SFXN5: variants seen among roughly 807,000 people sequenced by gnomAD.
The protein encoded by SFXN5 is sideroflexin 5.
SFXN5 carries 43 observed loss-of-function variants against 50.2 expected under a neutral mutation model. The ratio of observed to expected loss-of-function variants is 0.86; its 90% CI spans 0.67 to 1.11. The LOEUF (loss-of-function observed/expected upper bound fraction) is 1.11, where lower values mean the gene tolerates loss of function less well. Among genes scored for constraint, SFXN5 ranks in the 50% least tolerant of loss-of-function variants. The pLI, the probability that SFXN5 is intolerant of heterozygous loss-of-function variation, is 0.00. For synonymous variants in SFXN5, 203 were observed against 185.8 expected (o/e 1.09, Z -0.75); for missense variants, 463 against 454.1 (o/e 1.02, Z -0.18).
At chr2:72,999,217 G>C (rs184871880) in intron 8 of SFXN5, among the ~76,000 whole-genome samples, 1 of 152,312 alleles carries the variant, frequency 6.6e-6, no homozygotes, top group East Asian at 1.9e-4. Context: ...CAGTATCCAG[G>C]GAGATACTGA....
rs761542755 is a variant in SFXN5, at chr2:73,071,259, A to T, written c.102+345T>A. The T allele has an allele frequency of 8.2e-4, 229 of 278,858 alleles. 2 individuals are homozygous for T. Among genetic ancestry groups the T allele is most frequent in the Non-Finnish European group, 1.4e-3 (202 of 147,370 alleles). 17.3% of individuals were successfully genotyped at this position (278,858 alleles called of 1,614,324 possible). On this transcript the variant is annotated intron_variant, in intron 1 of 13. Coordinates refer to ENST00000272433, the MANE Select transcript of SFXN5 (RefSeq NM_144579.3). Reference sequence around the variant, plus strand: ...TTGCGTCCCGGGCGGGCAGCTGCACAACCCGGAGCGACCCTGAGCAGCCGC... The same window carrying T: ...TTGCGTCCCGGGCGGGCAGCTGCACTACCCGGAGCGACCCTGAGCAGCCGC...
At chr2:72,996,323 G>C (rs992262408) in intron 9 of SFXN5, among the ~76,000 whole-genome samples, 2 of 152,114 alleles carry the variant, frequency 1.3e-5, no homozygotes, top group Non-Finnish European at 2.9e-5. Context: ...CAAGAGCTCA[G>C]CTCTGGGAAC....
At chr2:73,059,612 C>T in intron 1 of SFXN5, 10 of 985,300 alleles carry the variant, frequency 1.0e-5, no homozygotes, top group Non-Finnish European at 1.1e-5. Context: ...CTCCATTTCT[C>T]TCCCACCATG....
At chr2:72,956,765 C>T (rs1036056582) in intron 13 of SFXN5, among the ~76,000 whole-genome samples, 8 of 152,206 alleles carry the variant, frequency 5.3e-5, no homozygotes, top group Non-Finnish European at 1.0e-4. Context: ...CATGCCTTCC[C>T]GCCTTGGGCT....
At position 72,999,833 on chromosome 2, in the gene SFXN5, G is replaced by C. The variant is rs142312691; in HGVS notation, c.468+598C>G. Among the ~76,000 whole-genome samples the C allele has an allele frequency of 1.1e-4, 17 of 152,206 alleles. No individual in the cohort carries two copies. The East Asian group carries it at 3.1e-3, about 28-fold the overall frequency. ...ATCCTGCCTTCTTTGCCTTTGAATTGAAGTTGGGGAGAGGTGGCCTTGCCA... is the reference window on the plus strand; with the variant it reads ...ATCCTGCCTTCTTTGCCTTTGAATTCAAGTTGGGGAGAGGTGGCCTTGCCA... On this transcript the variant is annotated intron_variant, in intron 8 of 13. Transcript: ENST00000272433.
chr2:73,069,039 G>A (rs1683382339), intron 1 of SFXN5, among the ~76,000 whole-genome samples: 1 of 151,992 alleles, frequency 6.6e-6, no homozygotes, highest in Admixed American at 6.6e-5. Context: ...GTGGGTGGGT[G>A]GGTGGTGGGA....
chr2:73,005,404 C>A (rs1024034875), intron 6 of SFXN5, among the ~76,000 whole-genome samples: 1 of 152,174 alleles, frequency 6.6e-6, no homozygotes, highest in Non-Finnish European at 1.5e-5. Flanking sequence ...AATGCTGGTG[C>A]CAGCATTTAC....
intron 3 of SFXN5, among the ~76,000 whole-genome samples, chr2:73,037,280 T>A (rs1679109148): frequency 6.6e-6 from 1 of 152,232 alleles, no homozygotes; most frequent in Non-Finnish European, 1.5e-5. Flanking sequence ...TGGTATCATG[T>A]GCTTTCACTG....
chr2:72,978,677 C>T (rs768855250), intron 10 of SFXN5, among the ~76,000 whole-genome samples: 13 of 152,252 alleles, frequency 8.5e-5, no homozygotes, highest in Admixed American at 1.3e-4. Flanking sequence ...GGTAAATGCC[C>T]GTATGCCCAC....
chr2:72,968,423 C>CA, intron 12 of SFXN5, 25 bp downstream of exon 12: 1 of 1,603,012 alleles, frequency 6.2e-7, no homozygotes, highest in South Asian at 1.1e-5. Flanking sequence ...ATGGTGGCCT[C>CA]TCCATCCTGG....
At chr2:72,978,051 A>G (rs1234833956) in intron 10 of SFXN5, among the ~76,000 whole-genome samples, 1 of 149,594 alleles carries the variant, frequency 6.7e-6, no homozygotes, top group Non-Finnish European at 1.5e-5. Flanking sequence ...GTTCATCTAT[A>G]TTTTCTTCCA....
At chr2:73,036,487 G>A (rs77436526) in intron 3 of SFXN5, among the ~76,000 whole-genome samples, 20 of 152,300 alleles carry the variant, frequency 1.3e-4, no homozygotes, top group Middle Eastern at 3.4e-3. Flanking sequence ...AGCACAGTTA[G>A]TGCCAAGCTG....
intron 5 of SFXN5, among the ~76,000 whole-genome samples, chr2:73,021,697 G>A (rs1676916186): frequency 6.6e-6 from 1 of 152,124 alleles, no homozygotes; most frequent in Non-Finnish European, 1.5e-5. Flanking sequence ...CCAGCCACCC[G>A]AGGCCTTCCC....
At chr2:72,955,204 AGAG>A (rs1559082397) in intron 13 of SFXN5, among the ~76,000 whole-genome samples, 1 of 152,334 alleles carries the variant, frequency 6.6e-6, no homozygotes. Context: ...CAGTTGGTGA[AGAG>A]GAGATTTCAC....
intron 13 of SFXN5, chr2:72,957,028 T>TC (rs1673172107): frequency 2.2e-6 from 1 of 456,644 alleles, no homozygotes; most frequent in East Asian, 6.9e-5. Context: ...GTCCTCAGCT[T>TC]CCATGAAGTT....
At chr2:72,965,467 G>A (rs993979533) in intron 12 of SFXN5, among the ~76,000 whole-genome samples, 1 of 152,182 alleles carries the variant, frequency 6.6e-6, no homozygotes, top group African/African-American at 2.4e-5. Context: ...TCGCGATAAG[G>A]CAGGGGTCTA....
chr2:72,961,889 C>T lies in SFXN5; in HGVS notation c.828-641G>A, dbSNP rs941309689. The stretch of plus-strand genomic sequence containing the variant: ...GCTGCTGCCTGGACCCCTGGCTCCC[C>T]GAGGGTGCTGTCACCCCAGCTGGTC... On this transcript the variant is annotated intron_variant, in intron 12 of 13. Transcript: ENST00000272433. This position sits in a 1 kb window ranked among gnomAD's most constrained non-coding sequence, Gnocchi z 4.4. 6.6e-6 allele frequency among the ~76,000 whole-genome samples: 1 copy of T among 152,180 alleles called. No homozygotes were observed. The highest frequency in any genetic ancestry group is 2.4e-5 in the African/African-American group (1 of 41,448).
chr2:73,054,344 T>C (rs1044896974), intron 2 of SFXN5, among the ~76,000 whole-genome samples: 1 of 152,226 alleles, frequency 6.6e-6, no homozygotes, highest in African/African-American at 2.4e-5. Flanking sequence ...TCAGTAAATA[T>C]TTAAGTTGCC....
chr2:73,041,797 G>A lies in SFXN5; in HGVS notation c.172-866C>T, dbSNP rs116361847. 1,947 of 197,374 alleles carry A rather than the reference G, an allele frequency of 9.9e-3. 12 individuals carry two copies. The highest frequency in any genetic ancestry group is 0.016 in the Non-Finnish European group (1,426 of 89,692). 12.2% of individuals were successfully genotyped at this position (197,374 alleles called of 1,614,324 possible). The stretch of plus-strand genomic sequence containing the variant: ...AACACACTGCAGCCTCAACATCCCA[G>A]GCTCAAGTGATCCTCCCACCTCAGC... On this transcript the variant is annotated intron_variant, in intron 2 of 13. Coordinates refer to ENST00000272433, the MANE Select transcript of SFXN5 (RefSeq NM_144579.3).
Sources: gnomAD v4.1 joint callset for allele counts (sites outside exome capture counted in the v4.1 genomes callset) on GRCh38, gnomAD v4.1.1 for gene constraint, Gnocchi (gnomAD v3.1) non-coding constraint, MANE v1.5 for transcripts, NCBI Gene and HGNC (gene_info 2026-07-23, HGNC 2026-07-21) for gene names.